The following TECRL variants were observed in gnomAD, a reference collection of about 807,000 sequenced individuals.
TECRL encodes trans-2,3-enoyl-CoA reductase-like.
A neutral mutation model predicts 52.8 loss-of-function variants in TECRL; 63 were observed. The ratio of observed to expected loss-of-function variants is 1.19; its 90% CI spans 0.97 to 1.47. The LOEUF (loss-of-function observed/expected upper bound fraction) is 1.47. TECRL is among the 40% of genes most tolerant of loss of function. The pLI, the probability that TECRL is intolerant of heterozygous loss-of-function variation, is 0.00. For synonymous variants in TECRL, 164 were observed against 141.9 expected, an observed-to-expected ratio of 1.16 and a Z score of -1.10; for missense variants, 482 against 429.6, an observed-to-expected ratio of 1.12 and a Z score of -1.08.
chr4:64,286,393 AAG>A, intron 9 of TECRL, among the ~76,000 whole-genome samples: 1 of 152,210 alleles, frequency 6.6e-6, no homozygotes, highest in East Asian at 1.9e-4. Flanking sequence ...ATAGCCAAAA[AAG>A]GGACAAAGAT....
chr4:64,280,266 A>T lies in TECRL; in HGVS notation c.965-67T>A, dbSNP rs1011667962. The T allele has an allele frequency of 2.5e-5, 30 of 1,182,644 alleles. No homozygotes were observed. In the African/African-American group the frequency reaches 3.3e-4, roughly 13 times the overall value. The allele number at this position is 1,182,644 out of a possible 1,614,324, so 73.3% of individuals were successfully genotyped here. A position where few individuals can be genotyped will look rare whatever the true frequency, so the allele number is the denominator to read the frequency against. Reference sequence around the variant, plus strand: ...TATGAAATGTTATATTAGGAAAAGGATCCCTAGCATGTTTAGCTTTTAAGA... The same window carrying T: ...TATGAAATGTTATATTAGGAAAAGGTTCCCTAGCATGTTTAGCTTTTAAGA... On this transcript the variant is annotated intron_variant, in intron 11 of 11. Coordinates refer to ENST00000381210, the MANE Select transcript of TECRL (RefSeq NM_001010874.5).
chr4:64,291,120 G>A (rs1042812554), intron 8 of TECRL, among the ~76,000 whole-genome samples: 3 of 151,984 alleles, frequency 2.0e-5, no homozygotes, highest in Non-Finnish European at 2.9e-5. Flanking sequence ...GAGAGATTTA[G>A]TGAATTTCAC....
intron 1 of TECRL, among the ~76,000 whole-genome samples, chr4:64,399,989 T>A (rs1377591580): frequency 2.0e-5 from 3 of 152,068 alleles, no homozygotes; most frequent in Non-Finnish European, 4.4e-5. Context: ...GTCCTCCAGA[T>A]CCCAAGAATG....
In TECRL at chr4:64,322,725, A is replaced by C. The variant is rs755992796; in HGVS notation, c.399T>G (p.Tyr133Ter). The change falls in exon 4 of 12, where the codon TAT becomes TAG. Residue 133 changes from tyrosine (Y) to a stop codon, truncating the protein, a stop_gained. Coordinates refer to ENST00000381210, the MANE Select transcript of TECRL (RefSeq NM_001010874.5). LOFTEE classifies it high-confidence loss of function. ...TGACTTGTTGACCTAGGTCTGTAGC[A>C]TACAGTGTGACAATGGAGGAAGCTG... ...SIAASSIVTL[Y>*]ATDLGQQVSW... The C allele has an allele frequency of 1.4e-5, 23 of 1,612,402 alleles. No homozygotes were observed. The highest frequency in any genetic ancestry group is 2.0e-5 in the Non-Finnish European group (23 of 1,179,156).
At chr4:64,378,408 G>A (rs1239855444) in intron 1 of TECRL, among the ~76,000 whole-genome samples, 2 of 150,854 alleles carry the variant, frequency 1.3e-5, no homozygotes, top group Non-Finnish European at 3.0e-5. Flanking sequence ...CTCTCCAAAA[G>A]AAAAAAAAAT....
At chr4:64,296,663 G>T (rs951043716) in intron 8 of TECRL, among the ~76,000 whole-genome samples, 4 of 151,594 alleles carry the variant, frequency 2.6e-5, no homozygotes, top group Admixed American at 6.6e-5. Context: ...AAAGTTAAGG[G>T]TACAAAAAGA....
intron 8 of TECRL, among the ~76,000 whole-genome samples, chr4:64,292,693 A>T (rs1260453140): frequency 1.3e-5 from 2 of 152,062 alleles, no homozygotes; most frequent in African/African-American, 4.8e-5. Flanking sequence ...AACTATAAGC[A>T]ACCCAGGGAC....
intron 1 of TECRL, among the ~76,000 whole-genome samples, chr4:64,385,792 T>C (rs148370988): frequency 1.9e-3 from 293 of 152,276 alleles, no homozygotes; most frequent in African/African-American, 6.9e-3. Context: ...CAGCTCCTTA[T>C]ACTAGTCTTG....
At chr4:64,387,034 G>A (rs972356) in intron 1 of TECRL, among the ~76,000 whole-genome samples, 135,679 of 152,154 alleles carry the variant, frequency 0.89, 61,282 homozygotes, top group East Asian at 1. Flanking sequence ...TAACATTATA[G>A]TATTATGCAC....
Position 64,326,221 on chromosome 4 carries a change from G to GA in TECRL, c.331+2290dup, listed in dbSNP as rs1309839297. On this transcript the variant is annotated intron_variant, in intron 3 of 11. Transcript: ENST00000381210. ...GATGTATTGCTTGGAAACAGTGATG[G>GA]AAAAAAATCTATTTTTTCTATGTAG... Among the ~76,000 whole-genome samples the GA allele has an allele frequency of 5.3e-5, 8 of 151,962 alleles. No individual in the cohort carries two copies. The East Asian group carries it at 5.8e-4, about 11-fold the overall frequency.
Position 64,342,128 on chromosome 4 carries a change from A to G in TECRL, c.287-13572T>C, listed in dbSNP as rs282239. Among the ~76,000 whole-genome samples the G allele has an allele frequency of 6.5e-3, 987 of 152,184 alleles. 10 individuals are homozygous for G. The highest frequency in any genetic ancestry group is 0.022 in the African/African-American group (896 of 41,554). ...AGAAAAGCAACACCCTAAAAATCTC[A>G]TAAAAATACTGCCAGATGGAGCAGA... On this transcript the variant is annotated intron_variant, in intron 2 of 11. Coordinates refer to ENST00000381210, the MANE Select transcript of TECRL (RefSeq NM_001010874.5).
At chr4:64,387,873 T>C (rs764589881) in intron 1 of TECRL, among the ~76,000 whole-genome samples, 17 of 151,940 alleles carry the variant, frequency 1.1e-4, no homozygotes, top group Non-Finnish European at 2.4e-4. Flanking sequence ...TGATAAATTT[T>C]AAGAGTTCTT....
intron 5 of TECRL, 43 bp from the exon 6 acceptor site, chr4:64,309,974 G>A (rs773098752): frequency 1.5e-6 from 2 of 1,328,210 alleles, no homozygotes; most frequent in African/African-American, 1.5e-5. Flanking sequence ...TCCTTTTGAA[G>A]TTCTGGCTTG....
At chr4:64,393,818 G>A (rs955829135) in intron 1 of TECRL, among the ~76,000 whole-genome samples, 3 of 151,774 alleles carry the variant, frequency 2.0e-5, no homozygotes, top group East Asian at 1.9e-4. Flanking sequence ...TCCCAGTTAC[G>A]ATTACAATAT....
chr4:64,326,340 C>T (rs1303320343), intron 3 of TECRL, among the ~76,000 whole-genome samples: 1 of 152,122 alleles, frequency 6.6e-6, no homozygotes. Flanking sequence ...AAATATTTTA[C>T]TTACCAGATT....
intron 4 of TECRL, among the ~76,000 whole-genome samples, chr4:64,319,822 T>C (rs907815344): frequency 1.3e-5 from 2 of 151,934 alleles, no homozygotes; most frequent in African/African-American, 2.4e-5. Context: ...TCAAGGACAC[T>C]ATGCTTACAG....
At chr4:64,383,461 CT>C (rs1460080267) in intron 1 of TECRL, among the ~76,000 whole-genome samples, 1 of 151,712 alleles carries the variant, frequency 6.6e-6, no homozygotes, top group Non-Finnish European at 1.5e-5. Context: ...TTATTCTTTT[CT>C]TTTTGTCTGT....
chr4:64,281,917 T>G (rs1292842268), intron 9 of TECRL, among the ~76,000 whole-genome samples: 1 of 151,904 alleles, frequency 6.6e-6, no homozygotes, highest in Non-Finnish European at 1.5e-5. Context: ...GTTTTAACAT[T>G]TGCCCACCTC....
intron 2 of TECRL, among the ~76,000 whole-genome samples, chr4:64,334,916 C>A (rs376438325): frequency 6.6e-6 from 1 of 152,308 alleles, no homozygotes; most frequent in South Asian, 2.1e-4. Flanking sequence ...AAGGAAGAAG[C>A]AAGATTGGTC....
Sources: gnomAD v4.1 joint callset for allele counts (sites outside exome capture counted in the v4.1 genomes callset) on GRCh38, gnomAD v4.1.1 for gene constraint, MANE v1.5 for transcripts, NCBI Gene and HGNC (gene_info 2026-07-23, HGNC 2026-07-21) for gene names.